Variants in ST18 observed in about 807,000 individuals in gnomAD.
The protein encoded by ST18 is ST18 C2H2C-type zinc finger transcription factor, also known as suppression of tumorigenicity 18 protein.
Under a neutral mutation model 110.0 loss-of-function variants are expected in ST18, and 50 were observed. The observed-to-expected ratio is 0.45, with a 90% CI of 0.36 to 0.58. The LOEUF (loss-of-function observed/expected upper bound fraction) is 0.58, where lower values mean the gene tolerates loss of function less well. Ranked by LOEUF, ST18 falls within the 20% of genes least tolerant of loss-of-function variation. The probability of loss-of-function intolerance (pLI) is 0.00; values close to 1 mark genes in which losing one functional copy is unlikely to be tolerated. For synonymous variants in ST18, 461 were observed against 452.4 expected, an observed-to-expected ratio of 1.02 and a Z score of -0.24; for missense variants, 1,306 against 1,280.1, an observed-to-expected ratio of 1.02 and a Z score of -0.31.
intron 2 of ST18, among the ~76,000 whole-genome samples, chr8:52,339,326 C>T (rs923098259): frequency 2.0e-5 from 3 of 152,306 alleles, no homozygotes; most frequent in Admixed American, 6.5e-5. Context: ...GCTTCTCTGA[C>T]GTGTTCCTTC....
intron 2 of ST18, among the ~76,000 whole-genome samples, chr8:52,326,951 G>A (rs940997378): frequency 6.6e-6 from 1 of 152,152 alleles, no homozygotes; most frequent in African/African-American, 2.4e-5. Context: ...TGTTTCTGGG[G>A]AGCCAGAGAG....
intron 2 of ST18, among the ~76,000 whole-genome samples, chr8:52,267,656 A>G (rs975174125): frequency 5.9e-5 from 9 of 152,192 alleles, no homozygotes; most frequent in African/African-American, 1.9e-4. Context: ...CGGTGGAATA[A>G]TTATTATGCA....
chr8:52,160,712 G>GA (rs1439828479), intron 14 of ST18, among the ~76,000 whole-genome samples: 2 of 152,116 alleles, frequency 1.3e-5, no homozygotes, highest in African/African-American at 4.8e-5. Context: ...TGTGTAAGAA[G>GA]AAAAAACACC....
Position 52,172,200 on chromosome 8 carries a change from A to T in ST18, c.661T>A (p.Tyr221Asn). 1 of 1,614,128 alleles carries T rather than the reference A, an allele frequency of 6.2e-7. No individual in the cohort carries two copies. Among genetic ancestry groups the T allele is most frequent in the Non-Finnish European group, 8.5e-7 (1 of 1,180,016 alleles). ...TCTTTTTTATGATCTGTTAAAACAT[A>T]CTTTGGGACTCTAGGTGGTTTGGTT... is the stretch of plus-strand genomic sequence containing the variant. ...EETKPPRVPK[Y>N]VLTDHKKDLL... Residue 221 changes from tyrosine to asparagine, a missense_variant, in exon 10 of 26, where the codon TAT (tyrosine) becomes AAT (asparagine). Coordinates refer to ENST00000689386, the MANE Select transcript of ST18 (RefSeq NM_001352837.2).
At chr8:52,346,643 C>T (rs775855349) in intron 2 of ST18, among the ~76,000 whole-genome samples, 1 of 152,216 alleles carries the variant, frequency 6.6e-6, no homozygotes, top group Non-Finnish European at 1.5e-5. Context: ...GCTAGCCACA[C>T]TGTTGCTACA....
intron 8 of ST18, among the ~76,000 whole-genome samples, chr8:52,194,147 T>G (rs1287251936): frequency 1.3e-5 from 2 of 152,200 alleles, no homozygotes; most frequent in African/African-American, 4.8e-5. Flanking sequence ...ACCACAGAAT[T>G]TTTTTCATAA....
intron 5 of ST18, among the ~76,000 whole-genome samples, chr8:52,218,519 CT>C (rs1042343036): frequency 1.4e-5 from 2 of 147,830 alleles, no homozygotes; most frequent in African/African-American, 5.0e-5. Context: ...TCCCGAGTAG[CT>C]GGGATTACAG....
intron 8 of ST18, among the ~76,000 whole-genome samples, chr8:52,193,308 T>A (rs749565141): frequency 2.4e-4 from 37 of 152,210 alleles, no homozygotes; most frequent in African/African-American, 7.0e-4. Context: ...AAGGTACACA[T>A]CTTCCCTACT....
At chr8:52,172,951 T>C (rs183726488) in intron 9 of ST18, among the ~76,000 whole-genome samples, 1,744 of 152,320 alleles carry the variant, frequency 0.011, 23 homozygotes, top group Middle Eastern at 0.044. Flanking sequence ...TTATTGTTAC[T>C]GTACTTCTTA....
chr8:52,191,370 G>C (rs537531464), intron 8 of ST18, among the ~76,000 whole-genome samples: 2 of 152,140 alleles, frequency 1.3e-5, no homozygotes, highest in Non-Finnish European at 2.9e-5. Flanking sequence ...TCATGAACTG[G>C]ATTCCGTTAG....
At chr8:52,149,692 T>C in intron 16 of ST18, 40 bp downstream of exon 16, 1 of 1,591,952 alleles carries the variant, frequency 6.3e-7, no homozygotes, top group Non-Finnish European at 8.6e-7. Context: ...CCTGCAATCA[T>C]GCTGTCTTCA....
At chr8:52,270,680 C>T (rs1263917283) in intron 2 of ST18, among the ~76,000 whole-genome samples, 2 of 151,974 alleles carry the variant, frequency 1.3e-5, no homozygotes, top group African/African-American at 4.8e-5. Context: ...CTTTGAAAAA[C>T]GCATCTTCCA....
intron 2 of ST18, among the ~76,000 whole-genome samples, chr8:52,387,632 G>A (rs1837347282): frequency 6.6e-6 from 1 of 151,996 alleles, no homozygotes; most frequent in Non-Finnish European, 1.5e-5. Flanking sequence ...CACTGTTGAA[G>A]GATATACAAA....
chr8:52,364,746 A>G (rs1827158493), intron 2 of ST18, among the ~76,000 whole-genome samples: 1 of 152,170 alleles, frequency 6.6e-6, no homozygotes, highest in Non-Finnish European at 1.5e-5. Flanking sequence ...AGAGGTGTGA[A>G]GAATTGGTGT....
intron 2 of ST18, among the ~76,000 whole-genome samples, chr8:52,326,783 T>C (rs570373785): frequency 6.6e-6 from 1 of 152,312 alleles, no homozygotes; most frequent in Non-Finnish European, 1.5e-5. Flanking sequence ...GTGTCAGAAC[T>C]CTGGAAATTT....
chr8:52,294,876 C>T (rs145696085), intron 2 of ST18, among the ~76,000 whole-genome samples: 400 of 152,256 alleles, frequency 2.6e-3, no homozygotes, highest in African/African-American at 7.9e-3. Flanking sequence ...GTGGAGGGGA[C>T]GGTATTGCTG....
chr8:52,151,712 A>G (rs571932802), intron 15 of ST18, among the ~76,000 whole-genome samples: 2 of 152,248 alleles, frequency 1.3e-5, no homozygotes, highest in Non-Finnish European at 2.9e-5. Context: ...ACAGAGCTAT[A>G]GTAATCAAGT....
In ST18 at chr8:52,112,986, C is replaced by A; in HGVS notation, c.*212G>T. 2.5e-6 allele frequency: 1 copy of A among 401,646 alleles called. No individual in the cohort carries two copies. Among genetic ancestry groups the A allele is most frequent in the Non-Finnish European group, 4.3e-6 (1 of 232,666 alleles). 24.9% of individuals were successfully genotyped at this position (401,646 alleles called of 1,614,324 possible). A position where few individuals can be genotyped will look rare whatever the true frequency, so the allele number is the denominator to read the frequency against. Reference sequence around the variant, plus strand: ...AAAAACATATGAAAATAAATAAGATCTAATAATTGACTGCATTGCTTTTAA... The same window carrying A: ...AAAAACATATGAAAATAAATAAGATATAATAATTGACTGCATTGCTTTTAA... On this transcript the variant is annotated 3_prime_UTR_variant, in exon 26 of 26. Coordinates refer to ENST00000689386, the MANE Select transcript of ST18 (RefSeq NM_001352837.2).
intron 2 of ST18, among the ~76,000 whole-genome samples, chr8:52,373,486 C>G (rs966807380): frequency 6.6e-6 from 1 of 152,072 alleles, no homozygotes; most frequent in Non-Finnish European, 1.5e-5. Context: ...GAGCCCTCCC[C>G]TCCAGTGATC....
Sources: allele counts gnomAD v4.1 joint callset (sites outside exome capture counted in the v4.1 genomes callset), GRCh38; gene constraint gnomAD v4.1.1; transcripts MANE v1.5; gene names NCBI Gene and HGNC (gene_info 2026-07-23, HGNC 2026-07-21).